The following WWOX variants were observed in gnomAD, a reference collection of about 807,000 sequenced individuals.
The protein encoded by WWOX is WW domain containing oxidoreductase, also known as WW domain-containing oxidoreductase.
A neutral mutation model predicts 46.2 loss-of-function variants in WWOX; 69 were observed. The observed-to-expected ratio is 1.49, with a 90% confidence interval of 1.23 to 1.82. WWOX has a LOEUF of 1.82. WWOX is among the 40% of genes most tolerant of loss of function. The pLI is 0.00. For missense variants in WWOX, 919 were observed against 542.6 expected, an observed-to-expected ratio of 1.69 and a Z score of -6.89; for synonymous variants, 359 against 202.6, an observed-to-expected ratio of 1.77 and a Z score of -6.56.
chr16:78,249,179 G>T (rs1187537466), intron 5 of WWOX, among the ~76,000 whole-genome samples: 3 of 152,110 alleles, frequency 2.0e-5, no homozygotes, highest in Non-Finnish European at 2.9e-5. Flanking sequence ...AGATGACAAG[G>T]CATGGAATGG....
At position 78,372,291 on chromosome 16, in the gene WWOX, T is replaced by C. The variant is rs367704724; in HGVS notation, c.517-14569T>C. Among the ~76,000 whole-genome samples the C allele has an allele frequency of 6.6e-5, 10 of 152,256 alleles. No individual in the cohort carries two copies. The East Asian group carries it at 7.7e-4, about 12-fold the overall frequency. ...CTTTGATTCTGTGCAAATTCTAGGG[T>C]GTCCTTCATGCTTAGATATGGTTCC... On this transcript the variant is annotated intron_variant, in intron 5 of 8. Coordinates refer to ENST00000566780, the MANE Select transcript of WWOX (RefSeq NM_016373.4).
chr16:78,954,746 G>C (rs546724675), intron 8 of WWOX, among the ~76,000 whole-genome samples: 2 of 152,160 alleles, frequency 1.3e-5, no homozygotes, highest in Admixed American at 1.3e-4. Flanking sequence ...AAAGTGCTAT[G>C]GGGAAGCAAA....
chr16:78,608,606 C>G (rs2045821633), intron 8 of WWOX, among the ~76,000 whole-genome samples: 2 of 152,180 alleles, frequency 1.3e-5, no homozygotes, highest in African/African-American at 2.4e-5. Flanking sequence ...CAGACCCATA[C>G]TGTGGAAGGG....
chr16:78,356,913 A>C (rs1303979368), intron 5 of WWOX, among the ~76,000 whole-genome samples: 3 of 152,242 alleles, frequency 2.0e-5, no homozygotes, highest in Admixed American at 6.5e-5. Flanking sequence ...TCCAATACAC[A>C]ATATGTTATA....
intron 8 of WWOX, among the ~76,000 whole-genome samples, chr16:78,617,496 G>A (rs548282493): frequency 6.6e-6 from 1 of 152,100 alleles, no homozygotes; most frequent in South Asian, 2.1e-4. Context: ...GCTCAGTGCA[G>A]TGACTTTGCC....
chr16:78,277,699 G>A (rs577865432), intron 5 of WWOX, among the ~76,000 whole-genome samples: 1 of 152,194 alleles, frequency 6.6e-6, no homozygotes, highest in South Asian at 2.1e-4. Flanking sequence ...TTGTGGGGCC[G>A]TTTCATGTTT....
chr16:79,049,448 A>T (rs1381721335), intron 8 of WWOX, among the ~76,000 whole-genome samples: 1 of 152,212 alleles, frequency 6.6e-6, no homozygotes, highest in Non-Finnish European at 1.5e-5. Context: ...ATTCTGGTAC[A>T]GCTGTCACCC....
intron 5 of WWOX, among the ~76,000 whole-genome samples, chr16:78,190,725 C>T (rs894363149): frequency 6.6e-6 from 1 of 152,142 alleles, no homozygotes; most frequent in African/African-American, 2.4e-5. Context: ...AAACCCAGCT[C>T]ATTTTCTATG....
At chr16:78,429,735 G>T (rs569001742) in intron 7 of WWOX, among the ~76,000 whole-genome samples, 2 of 152,232 alleles carry the variant, frequency 1.3e-5, no homozygotes, top group African/African-American at 4.8e-5. Context: ...TTGAAATAAA[G>T]TTAGCAAATA....
intron 8 of WWOX, among the ~76,000 whole-genome samples, chr16:78,709,362 A>G (rs920932549): frequency 2.6e-5 from 4 of 152,220 alleles, no homozygotes; most frequent in Non-Finnish European, 4.4e-5. Flanking sequence ...TGGCTGAAGG[A>G]AAGCCCGCGA....
intron 5 of WWOX, among the ~76,000 whole-genome samples, chr16:78,258,670 C>G (rs778953188): frequency 4.2e-5 from 5 of 118,956 alleles, no homozygotes; most frequent in Non-Finnish European, 6.4e-5. Context: ...TTTATGTGTT[C>G]GTTCGACAGT....
intron 5 of WWOX, among the ~76,000 whole-genome samples, chr16:78,326,216 A>AATTATGGTGACCTGAAGG (rs2080610491): frequency 2.0e-5 from 3 of 152,324 alleles, no homozygotes; most frequent in Admixed American, 2.0e-4. Flanking sequence ...GGGGAACCTG[A>AATTATGGTGACCTGAAGG]ATTATGGGGA....
chr16:78,416,786 G>C (rs910566403), intron 6 of WWOX, among the ~76,000 whole-genome samples: 11 of 152,234 alleles, frequency 7.2e-5, no homozygotes, highest in Non-Finnish European at 1.6e-4. Context: ...ATAAAGAGGA[G>C]AAATAACAAT....
chr16:78,645,372 C>T (rs558997117), intron 8 of WWOX, among the ~76,000 whole-genome samples: 2 of 152,208 alleles, frequency 1.3e-5, no homozygotes, highest in East Asian at 3.9e-4. Flanking sequence ...CTTCTCTTAC[C>T]ATTCTGGAGG....
intron 8 of WWOX, among the ~76,000 whole-genome samples, chr16:78,688,264 T>A (rs2047906565): frequency 6.6e-6 from 1 of 152,224 alleles, no homozygotes; most frequent in South Asian, 2.1e-4. Context: ...TTGGTTTTAT[T>A]TCTTGTTGCA....
At chr16:78,530,492 C>T (rs1437099397) in intron 8 of WWOX, among the ~76,000 whole-genome samples, 2 of 152,200 alleles carry the variant, frequency 1.3e-5, no homozygotes, top group African/African-American at 4.8e-5. Flanking sequence ...AGTCCAGCCG[C>T]TTCTCTCCAA....
intron 5 of WWOX, among the ~76,000 whole-genome samples, chr16:78,265,622 C>G (rs978130074): frequency 1.8e-4 from 27 of 150,798 alleles, no homozygotes; most frequent in Non-Finnish European, 3.2e-4. Context: ...AGGTTGCAGT[C>G]AGCTGAGATT....
At chr16:79,096,882 C>T (rs1045176592) in intron 8 of WWOX, among the ~76,000 whole-genome samples, 1 of 152,028 alleles carries the variant, frequency 6.6e-6, no homozygotes, top group African/African-American at 2.4e-5. Context: ...GAAGATCTCA[C>T]TAGATTCTTT....
chr16:78,245,434 C>T (rs557565022), intron 5 of WWOX, among the ~76,000 whole-genome samples: 6 of 152,284 alleles, frequency 3.9e-5, no homozygotes, highest in South Asian at 4.1e-4. Flanking sequence ...AAGGTACAAA[C>T]GCTTGAGAAG....
Sources: allele counts gnomAD v4.1 joint callset (sites outside exome capture counted in the v4.1 genomes callset), GRCh38; gene constraint gnomAD v4.1.1; transcripts MANE v1.5; gene names NCBI Gene and HGNC (gene_info 2026-07-23, HGNC 2026-07-21).